The following CFAP251 variants were observed in gnomAD, a reference collection of about 807,000 sequenced individuals.
The protein encoded by CFAP251 is cilia and flagella associated protein 251.
A neutral mutation model predicts 126.7 loss-of-function variants in CFAP251; 93 were observed. That is an observed-to-expected ratio of 0.73 (90% CI 0.62 to 0.87). The LOEUF is 0.87. CFAP251 is among the 40% of genes least tolerant of loss of function. The pLI is 0.00. For missense variants in CFAP251, 1,287 were observed against 1,389.2 expected (o/e 0.93, Z 1.17); for synonymous variants, 503 against 506.9 (o/e 0.99, Z 0.10).
At chr12:121,976,112 G>A (rs533250044) in intron 19 of CFAP251, among the ~76,000 whole-genome samples, 221 of 151,644 alleles carry the variant, frequency 1.5e-3, no homozygotes, top group African/African-American at 4.8e-3. Context: ...AGGTTCAAGC[G>A]GTTCTCCTGG....
chr12:121,961,284 T>G (rs1220649246), intron 14 of CFAP251, among the ~76,000 whole-genome samples: 1 of 94,860 alleles, frequency 1.1e-5, no homozygotes, highest in Non-Finnish European at 2.0e-5. Flanking sequence ...CCTCCCTCCC[T>G]TCCTTCCTTC....
chr12:121,991,013 A>T (rs183704022), intron 19 of CFAP251, among the ~76,000 whole-genome samples: 3 of 152,244 alleles, frequency 2.0e-5, no homozygotes, highest in Non-Finnish European at 4.4e-5. Flanking sequence ...CTTGTATTTC[A>T]TTGGCTTTGC....
intron 1 of CFAP251, among the ~76,000 whole-genome samples, chr12:121,919,862 A>G (rs1459665890): frequency 2.0e-5 from 3 of 152,220 alleles, no homozygotes; most frequent in East Asian, 3.8e-4. Flanking sequence ...AGTATTTTTA[A>G]GATCTGGGCC....
At chr12:121,936,771 G>A (rs1880911061) in intron 5 of CFAP251, among the ~76,000 whole-genome samples, 1 of 152,176 alleles carries the variant, frequency 6.6e-6, no homozygotes, top group African/African-American at 2.4e-5. Flanking sequence ...TGAGCCTGCA[G>A]CAGATGGTGG....
At chr12:121,940,514 G>T (rs1167480778) in intron 5 of CFAP251, among the ~76,000 whole-genome samples, 1 of 152,098 alleles carries the variant, frequency 6.6e-6, no homozygotes, top group Non-Finnish European at 1.5e-5. Context: ...TATCTTCACT[G>T]TATCTAGGAC....
chr12:121,952,187 A>G (rs1463694229), intron 9 of CFAP251, among the ~76,000 whole-genome samples: 10 of 145,628 alleles, frequency 6.9e-5, no homozygotes, highest in African/African-American at 2.6e-4. Flanking sequence ...GGATCACTTG[A>G]GCTCAGGAGT....
At chr12:121,937,654 C>G (rs766339620) in intron 5 of CFAP251, among the ~76,000 whole-genome samples, 3 of 152,140 alleles carry the variant, frequency 2.0e-5, no homozygotes, top group Non-Finnish European at 2.9e-5. Context: ...GGGAAGAGTT[C>G]AACAAGTGAG....
Position 121,961,952 on chromosome 12 carries a change from G to A in CFAP251, c.2308-26G>A. The A allele has an allele frequency of 1.9e-6, 3 of 1,606,602 alleles. No homozygotes were observed. The South Asian group carries it at 3.3e-5, about 18-fold the overall frequency. On this transcript the variant is annotated intron_variant, in intron 14 of 21. Coordinates refer to ENST00000288912, the MANE Select transcript of CFAP251 (RefSeq NM_144668.6). ...GCCTTTAATTTGGCTTGGTCCTCATGTGTGTCCATCTGGGCTCCTCTGCAG... is the reference window on the plus strand; with the variant it reads ...GCCTTTAATTTGGCTTGGTCCTCATATGTGTCCATCTGGGCTCCTCTGCAG...
intron 19 of CFAP251, chr12:121,992,150 A>G: frequency 1.0e-6 from 1 of 959,882 alleles, no homozygotes; most frequent in Non-Finnish European, 1.2e-6. Flanking sequence ...CCGCTCAGCT[A>G]GGACTCCTGC....
intron 10 of CFAP251, among the ~76,000 whole-genome samples, chr12:121,956,507 T>C (rs1484328764): frequency 1.3e-5 from 2 of 152,214 alleles, no homozygotes; most frequent in Admixed American, 1.3e-4. Context: ...GTCTGTTTTG[T>C]TTTTTGAGAC....
In CFAP251 at chr12:121,923,684, G is replaced by A. The variant is rs750455922; in HGVS notation, c.441G>A (p.Glu147=). Residue 147 remains glutamate, a synonymous_variant, in exon 3 of 22, where the codon GAG becomes GAA. Coordinates refer to ENST00000288912, the MANE Select transcript of CFAP251 (RefSeq NM_144668.6). The part of the protein sequence containing the change: ...SLQLEDAETD[E]LLRDLSTQIE... The stretch of plus-strand genomic sequence containing the variant: ...AATTGGAGGATGCAGAAACAGATGA[G>A]CTTTTAAGAGACCTGAGCACACAAA... 2 of 1,614,182 alleles carry A rather than the reference G, an allele frequency of 1.2e-6. No homozygotes were observed. The highest frequency in any genetic ancestry group is 1.1e-5 in the South Asian group (1 of 91,080).
chr12:121,939,049 T>A (rs767600975), intron 5 of CFAP251, among the ~76,000 whole-genome samples: 24 of 152,076 alleles, frequency 1.6e-4, no homozygotes, highest in Non-Finnish European at 2.8e-4. Flanking sequence ...CCATCTCCGA[T>A]CTTAGTCTTC....
Position 121,975,590 on chromosome 12 carries a change from G to A in CFAP251, c.2911G>A (p.Asp971Asn), listed in dbSNP as rs1318095723. 1.9e-6 allele frequency: 3 copies of A among 1,605,174 alleles called. No homozygotes were observed. The highest frequency in any genetic ancestry group is 1.7e-6 in the Non-Finnish European group (2 of 1,177,884). Residue 971 changes from aspartate to asparagine, a missense_variant, in exon 19 of 22, where the codon GAC (aspartate) becomes AAC (asparagine). By Grantham distance (23) the Asp-to-Asn change is conservative. Transcript: ENST00000288912. Reference protein sequence around the residue: ...YYSQLRSQGIDTMETRKVSEH... With the variant: ...YYSQLRSQGINTMETRKVSEH... The stretch of plus-strand genomic sequence containing the variant: ...TTCTCAGCTCCGCAGTCAAGGCATC[G>A]ACACAATGGAGACCAGAAAGGTGTC...
At chr12:121,960,805 AC>A (rs1345810947) in intron 14 of CFAP251, 47 bp downstream of exon 14, 1 of 1,597,334 alleles carries the variant, frequency 6.3e-7, no homozygotes, top group Non-Finnish European at 8.6e-7. Flanking sequence ...ACTGTGTCTC[AC>A]TCTTGTGACA....
chr12:121,969,726 C>T, intron 17 of CFAP251: 1 of 977,490 alleles, frequency 1.0e-6, no homozygotes, highest in South Asian at 4.7e-5. Flanking sequence ...GGGCTCAAGC[C>T]TTGGGCACCT....
intron 9 of CFAP251, 25 bp from the exon 10 acceptor site, chr12:121,954,095 A>G: frequency 6.3e-7 from 1 of 1,585,078 alleles, no homozygotes; most frequent in Non-Finnish European, 8.7e-7. Flanking sequence ...TACCAACAGT[A>G]ACTATAACCT....
intron 5 of CFAP251, among the ~76,000 whole-genome samples, chr12:121,940,152 A>G (rs1459935097): frequency 6.6e-6 from 1 of 152,228 alleles, no homozygotes; most frequent in African/African-American, 2.4e-5. Context: ...TCACAAATCT[A>G]ATCTGTTAGC....
intron 9 of CFAP251, chr12:121,953,559 T>C (rs980646777): frequency 2.0e-5 from 3 of 152,460 alleles, no homozygotes; most frequent in African/African-American, 7.2e-5. Context: ...TAGAAAGAAC[T>C]TGGTGCTCTT....
At chr12:121,998,723 T>TAA (rs34060310) in intron 19 of CFAP251, 12 of 144,802 alleles carry the variant, frequency 8.3e-5, no homozygotes, top group South Asian at 2.2e-4. Context: ...ACCCCGTCTC[T>TAA]AAAAAAAAAT....
Sources: gnomAD v4.1 joint callset for allele counts (sites outside exome capture counted in the v4.1 genomes callset) on GRCh38, gnomAD v4.1.1 for gene constraint, MANE v1.5 for transcripts, NCBI Gene and HGNC (gene_info 2026-07-23, HGNC 2026-07-21) for gene names.